SVOP: variants seen among roughly 807,000 people sequenced by gnomAD.
SVOP encodes the protein synaptic vesicle 2-related protein.
Under a neutral mutation model 69.1 loss-of-function variants are expected in SVOP, and 17 were observed. The observed-to-expected ratio is 0.25, with a 90% CI of 0.17 to 0.37. The LOEUF (loss-of-function observed/expected upper bound fraction) is 0.37. Among genes scored for constraint, SVOP ranks in the 10% least tolerant of loss-of-function variants. The pLI is 1.00. For synonymous variants in SVOP, 238 were observed against 238.6 expected, an observed-to-expected ratio of 1.00 and a Z score of 0.02; for missense variants, 435 against 597.5, an observed-to-expected ratio of 0.73 and a Z score of 2.84.
chr12:108,947,553 A>C (rs1326963928), intron 6 of SVOP, among the ~76,000 whole-genome samples: 2 of 152,046 alleles, frequency 1.3e-5, no homozygotes, highest in Non-Finnish European at 2.9e-5. Flanking sequence ...TATCCTCAAT[A>C]TGGCTATGTC....
At chr12:108,952,065 G>A (rs2039958275) in intron 6 of SVOP, among the ~76,000 whole-genome samples, 1 of 152,118 alleles carries the variant, frequency 6.6e-6, no homozygotes, top group Non-Finnish European at 1.5e-5. Context: ...CCATGATTCA[G>A]TGGACTGAAG....
intron 5 of SVOP, among the ~76,000 whole-genome samples, chr12:108,965,370 TC>T (rs1360691700): frequency 6.6e-6 from 1 of 152,142 alleles, no homozygotes; most frequent in Non-Finnish European, 1.5e-5. Flanking sequence ...CTTTGATGGC[TC>T]CCTGTGACCT....
At chr12:108,995,345 A>G (rs990343666) in intron 1 of SVOP, among the ~76,000 whole-genome samples, 1 of 152,226 alleles carries the variant, frequency 6.6e-6, no homozygotes, top group Non-Finnish European at 1.5e-5. Flanking sequence ...GACACATGTT[A>G]CAACATGGAT....
intron 2 of SVOP, 59 bp from the exon 3 acceptor site, chr12:108,978,722 T>G (rs935628277): frequency 1.4e-6 from 1 of 693,454 alleles, no homozygotes; most frequent in Non-Finnish European, 2.6e-6. Flanking sequence ...GTTGTCCTAG[T>G]GTGGGGTTTT....
At chr12:108,931,583 C>G (rs1007546252) in intron 11 of SVOP, among the ~76,000 whole-genome samples, 1 of 152,178 alleles carries the variant, frequency 6.6e-6, no homozygotes, top group African/African-American at 2.4e-5. Context: ...CCTGTAATCC[C>G]AGCACCTCGG....
intron 5 of SVOP, among the ~76,000 whole-genome samples, chr12:108,971,428 CAAAAAAAA>C (rs563114992): frequency 7.0e-6 from 1 of 142,614 alleles, no homozygotes; most frequent in Non-Finnish European, 1.5e-5. Flanking sequence ...GACTCCGTCT[CAAAAAAAA>C]AAAAAAAAAA....
chr12:108,982,089 TATC>T (rs1388970217), intron 2 of SVOP, among the ~76,000 whole-genome samples: 6 of 147,248 alleles, frequency 4.1e-5, no homozygotes, highest in African/African-American at 7.6e-5. Flanking sequence ...TCATCATCAC[TATC>T]ATCATCATCA....
At chr12:108,989,883 T>C (rs923841229) in intron 1 of SVOP, among the ~76,000 whole-genome samples, 12 of 152,236 alleles carry the variant, frequency 7.9e-5, no homozygotes, top group African/African-American at 2.9e-4. Context: ...ATGCAACTAG[T>C]TATTGAGCAT....
intron 4 of SVOP, among the ~76,000 whole-genome samples, chr12:108,976,289 G>A (rs1033178579): frequency 1.3e-4 from 20 of 152,204 alleles, no homozygotes; most frequent in African/African-American, 4.6e-4. Flanking sequence ...GCCATGCTGT[G>A]TGGAAGGCAC....
intron 6 of SVOP, among the ~76,000 whole-genome samples, chr12:108,951,863 G>T (rs2039956303): frequency 6.6e-6 from 1 of 152,218 alleles, no homozygotes; most frequent in Non-Finnish European, 1.5e-5. Context: ...CAGTATGACT[G>T]CAGCACATCC....
At chr12:108,930,680 C>T (rs1814306900) in intron 11 of SVOP, among the ~76,000 whole-genome samples, 1 of 152,128 alleles carries the variant, frequency 6.6e-6, no homozygotes, top group East Asian at 1.9e-4. Flanking sequence ...GGTGATCCTC[C>T]CACCTCGGCT....
intron 5 of SVOP, among the ~76,000 whole-genome samples, chr12:108,966,013 T>C (rs1593193387): frequency 7.1e-6 from 1 of 141,142 alleles, no homozygotes; most frequent in Non-Finnish European, 1.5e-5. Flanking sequence ...TTTCCTTTCC[T>C]TCTTTAGAGA....
intron 10 of SVOP, among the ~76,000 whole-genome samples, chr12:108,935,084 A>G (rs764955869): frequency 2.0e-5 from 3 of 152,168 alleles, no homozygotes; most frequent in Non-Finnish European, 4.4e-5. Context: ...CAACACCTCC[A>G]AGGCTGTCTA....
chr12:108,997,216 TC>T (rs2040238972), intron 1 of SVOP, among the ~76,000 whole-genome samples: 1 of 151,946 alleles, frequency 6.6e-6, no homozygotes, highest in Non-Finnish European at 1.5e-5. Flanking sequence ...ACCTGGAAAA[TC>T]GGGTCACTCC....
rs1018939913 is a variant in SVOP, at chr12:108,908,155, T to C, written c.*4380A>G. On this transcript the variant is annotated 3_prime_UTR_variant, in exon 16 of 16. Coordinates refer to ENST00000610966, the MANE Select transcript of SVOP (RefSeq NM_018711.5). The stretch of plus-strand genomic sequence containing the variant: ...TGGAAGCTCTGTGCATGATTATGCA[T>C]ACACAGCAGCCACAAGGAAACAGAT... 15 of 152,290 alleles carry C rather than the reference T, an allele frequency of 9.8e-5. No individual in the cohort carries two copies. The highest frequency in any genetic ancestry group is 2.1e-4 in the Non-Finnish European group (14 of 68,018). The allele number at this position is 152,290 out of a possible 1,614,324, so 9.4% of individuals were successfully genotyped here.
At chr12:108,927,589 CTTTTTTT>C (rs10679632) in intron 11 of SVOP, among the ~76,000 whole-genome samples, 1 of 131,270 alleles carries the variant, frequency 7.6e-6, no homozygotes, top group African/African-American at 2.9e-5. Flanking sequence ...CTCTCTCTCT[CTTTTTTT>C]TTTTTTTTTT....
chr12:108,965,753 G>A (rs565794311), intron 5 of SVOP, among the ~76,000 whole-genome samples: 6 of 152,208 alleles, frequency 3.9e-5, no homozygotes, highest in South Asian at 4.1e-4. Flanking sequence ...ACGTTCAACC[G>A]AAGGACAGTA....
At chr12:108,994,483 ACT>A (rs987080582) in intron 1 of SVOP, among the ~76,000 whole-genome samples, 3 of 152,092 alleles carry the variant, frequency 2.0e-5, no homozygotes, top group African/African-American at 7.2e-5. Flanking sequence ...GACATGGTGA[ACT>A]CTGTCAAAAA....
rs555745813 is a variant in SVOP at position 108,936,138 on chromosome 12, C to T, written c.971+1126G>A. Among the ~76,000 whole-genome samples, 20 of 151,872 alleles carry T rather than the reference C, an allele frequency of 1.3e-4. No homozygotes were observed. In the South Asian group the frequency reaches 3.5e-3, roughly 27 times the overall value. On this transcript the variant is annotated intron_variant, in intron 10 of 15. Transcript: ENST00000610966. ...TCGGCTCACTGCAGCTTCTGTCTCCCGGGTTCAAGTGGTTCTCATCCCCCA... is the reference window on the plus strand; with the variant it reads ...TCGGCTCACTGCAGCTTCTGTCTCCTGGGTTCAAGTGGTTCTCATCCCCCA...
Sources: allele counts gnomAD v4.1 joint callset (sites outside exome capture counted in the v4.1 genomes callset), GRCh38; gene constraint gnomAD v4.1.1; transcripts MANE v1.5; gene names NCBI Gene and HGNC (gene_info 2026-07-23, HGNC 2026-07-21).